ARHGAP15: variants seen among roughly 807,000 people sequenced by gnomAD.
The protein encoded by ARHGAP15 is rho GTPase-activating protein 15.
Under a neutral mutation model 63.7 loss-of-function variants are expected in ARHGAP15, and 51 were observed. That is an observed-to-expected ratio of 0.80 (90% CI 0.64 to 1.01). The LOEUF is 1.01. Among genes scored for constraint, ARHGAP15 ranks in the 50% least tolerant of loss-of-function variants. The pLI is 0.00. For synonymous variants in ARHGAP15, 191 were observed against 193.8 expected, an observed-to-expected ratio of 0.99 and a Z score of 0.12; for missense variants, 560 against 564.6, an observed-to-expected ratio of 0.99 and a Z score of 0.08.
chr2:143,652,254 A>G (rs1681206244), intron 12 of ARHGAP15, among the ~76,000 whole-genome samples: 1 of 152,016 alleles, frequency 6.6e-6, no homozygotes, highest in Non-Finnish European at 1.5e-5. Flanking sequence ...CTTGTAGGCC[A>G]TATGGTTTCT....
intron 10 of ARHGAP15, among the ~76,000 whole-genome samples, chr2:143,530,439 T>G (rs556633106): frequency 6.6e-6 from 1 of 152,314 alleles, no homozygotes; most frequent in South Asian, 2.1e-4. Flanking sequence ...AATGTTAAAT[T>G]GTTTCATAAA....
chr2:143,555,830 T>A (rs1327758798), intron 10 of ARHGAP15, among the ~76,000 whole-genome samples: 2 of 151,458 alleles, frequency 1.3e-5, no homozygotes, highest in East Asian at 3.9e-4. Flanking sequence ...CAGATCAAAA[T>A]ATGTTATTCT....
intron 11 of ARHGAP15, among the ~76,000 whole-genome samples, chr2:143,565,987 T>C (rs1051382376): frequency 6.6e-6 from 1 of 152,180 alleles, no homozygotes; most frequent in African/African-American, 2.4e-5. Flanking sequence ...AGGTGCCCCA[T>C]GTACTTTGGA....
chr2:143,493,459 C>T (rs769529750), intron 9 of ARHGAP15, among the ~76,000 whole-genome samples: 2 of 152,190 alleles, frequency 1.3e-5, no homozygotes, highest in Non-Finnish European at 1.5e-5. Context: ...GCTTTCAAAC[C>T]TTATGCTCTA....
intron 3 of ARHGAP15, among the ~76,000 whole-genome samples, chr2:143,209,205 T>A (rs1692473954): frequency 6.6e-6 from 1 of 152,180 alleles, no homozygotes; most frequent in South Asian, 2.1e-4. Flanking sequence ...CTCTTTAGTC[T>A]TTCAAAATTC....
chr2:143,413,971 G>GCGCGCGCACT (rs147891307), intron 6 of ARHGAP15, among the ~76,000 whole-genome samples: 1 of 147,640 alleles, frequency 6.8e-6, no homozygotes, highest in South Asian at 2.2e-4. Context: ...GTGTGTGCGC[G>GCGCGCGCACT]CTCTCTGGCA....
In ARHGAP15 at chr2:143,260,260, A is replaced by G. The variant is rs375226258; in HGVS notation, c.474+9660A>G. ...TAAGAAATTTTGATGATTCTCAAGCATCAGTGTATTAACTCATTCTTAACA... is the reference window on the plus strand; with the variant it reads ...TAAGAAATTTTGATGATTCTCAAGCGTCAGTGTATTAACTCATTCTTAACA... On this transcript the variant is annotated intron_variant, in intron 6 of 13. Transcript: ENST00000295095. Among the ~76,000 whole-genome samples the G allele has an allele frequency of 3.3e-4, 51 of 152,324 alleles. No individual in the cohort carries two copies. The East Asian group carries it at 9.6e-3, about 29-fold the overall frequency.
chr2:143,201,738 A>G (rs1276582306), intron 2 of ARHGAP15, among the ~76,000 whole-genome samples: 1 of 152,232 alleles, frequency 6.6e-6, no homozygotes, highest in East Asian at 1.9e-4. Flanking sequence ...CATATTTTCC[A>G]AGAGTGAAGG....
intron 6 of ARHGAP15, among the ~76,000 whole-genome samples, chr2:143,334,045 G>A (rs930339129): frequency 1.3e-5 from 2 of 152,120 alleles, no homozygotes; most frequent in African/African-American, 2.4e-5. Context: ...TTGTTTTAAG[G>A]TGACACCCTA....
rs780637972 is a variant in ARHGAP15 at position 143,155,482 on chromosome 2, C to A, written c.-9C>A. 65 of 1,598,212 alleles carry A rather than the reference C, an allele frequency of 4.1e-5. No homozygotes were observed. Among genetic ancestry groups the A allele is most frequent in the Non-Finnish European group, 5.5e-5 (65 of 1,174,130 alleles). On this transcript the variant is annotated 5_prime_UTR_variant, in exon 2 of 14. Coordinates refer to ENST00000295095, the MANE Select transcript of ARHGAP15 (RefSeq NM_018460.4). Reference sequence around the variant, plus strand: ...TACATTTTATATTTTATCAGGATAGCACTATAATATGCAGAAATCTACAAA... The same window carrying A: ...TACATTTTATATTTTATCAGGATAGAACTATAATATGCAGAAATCTACAAA...
chr2:143,354,352 G>A (rs1685714244), intron 6 of ARHGAP15, among the ~76,000 whole-genome samples: 1 of 152,128 alleles, frequency 6.6e-6, no homozygotes, highest in Admixed American at 6.6e-5. Flanking sequence ...TGCTTGGTAG[G>A]ATCCCTAAGA....
chr2:143,354,634 G>A (rs150812052), intron 6 of ARHGAP15, among the ~76,000 whole-genome samples: 15 of 152,228 alleles, frequency 9.9e-5, no homozygotes, highest in African/African-American at 2.6e-4. Flanking sequence ...ATCATGATAT[G>A]TAGCACCTTA....
intron 12 of ARHGAP15, among the ~76,000 whole-genome samples, chr2:143,628,970 A>G (rs112384905): frequency 1.3e-5 from 2 of 152,184 alleles, no homozygotes; most frequent in African/African-American, 4.8e-5. Flanking sequence ...TTACTCTTTC[A>G]TGGAAGAGTT....
At chr2:143,141,006 C>T (rs748051375) in intron 1 of ARHGAP15, among the ~76,000 whole-genome samples, 2 of 152,134 alleles carry the variant, frequency 1.3e-5, no homozygotes, top group Non-Finnish European at 2.9e-5. Context: ...GACAAAAAAC[C>T]TGGAGACCAG....
Position 143,165,921 on chromosome 2 carries a change from A to T in ARHGAP15, c.165+10266A>T, listed in dbSNP as rs183969829. ...TACTATCCTTAACCTCCATGCCTTT[A>T]ACGTCAAGAAAGAAAAGAAAAGAAG... On this transcript the variant is annotated intron_variant, in intron 2 of 13. Transcript: ENST00000295095. Among the ~76,000 whole-genome samples the T allele has an allele frequency of 5.3e-5, 8 of 150,608 alleles. 1 individual carries two copies. Among genetic ancestry groups the T allele is most frequent in the African/African-American group, 2.0e-4 (8 of 40,916 alleles).
At position 143,198,143 on chromosome 2, in the gene ARHGAP15, A is replaced by C. The variant is rs561384398; in HGVS notation, c.166-3991A>C. Among the ~76,000 whole-genome samples the C allele has an allele frequency of 4.6e-5, 7 of 152,248 alleles. No individual in the cohort carries two copies. In the Middle Eastern group the frequency reaches 0.01, roughly 222 times the overall value. On this transcript the variant is annotated intron_variant, in intron 2 of 13. Transcript: ENST00000295095. The stretch of plus-strand genomic sequence containing the variant: ...CACTTCGATACTTATAAAAATGGTT[A>C]ATATTATTAACCTTTTAAGGTTTGG...
chr2:143,447,339 A>G (rs1690187858), intron 8 of ARHGAP15, among the ~76,000 whole-genome samples: 1 of 152,236 alleles, frequency 6.6e-6, no homozygotes, highest in Non-Finnish European at 1.5e-5. Flanking sequence ...GCATCTGGTG[A>G]TAAAAAGATG....
At chr2:143,699,663 A>G (rs57213470) in intron 12 of ARHGAP15, among the ~76,000 whole-genome samples, 47 of 152,292 alleles carry the variant, frequency 3.1e-4, no homozygotes, top group African/African-American at 1.1e-3. Flanking sequence ...ACTTTCACCA[A>G]CTGGCACCAA....
chr2:143,405,692 C>T (rs1056112961), intron 6 of ARHGAP15, among the ~76,000 whole-genome samples: 2 of 151,878 alleles, frequency 1.3e-5, no homozygotes, highest in Non-Finnish European at 2.9e-5. Context: ...CTCACATTGT[C>T]CAAGGCCATC....
Sources: allele counts gnomAD v4.1 joint callset (sites outside exome capture counted in the v4.1 genomes callset), GRCh38; gene constraint gnomAD v4.1.1; transcripts MANE v1.5; gene names NCBI Gene and HGNC (gene_info 2026-07-23, HGNC 2026-07-21).